DGKD: variants seen among roughly 807,000 people sequenced by gnomAD.
DGKD encodes diacylglycerol kinase delta, also known as DAG kinase delta.
DGKD carries 68 observed loss-of-function variants against 154.4 expected under a neutral mutation model. The observed-to-expected ratio is 0.44, with a 90% CI of 0.36 to 0.54. The LOEUF is 0.54. DGKD is among the 20% of genes least tolerant of loss of function. The pLI is 0.00. For synonymous variants in DGKD, 693 were observed against 638.0 expected, an observed-to-expected ratio of 1.09 and a Z score of -1.30; for missense variants, 1,343 against 1,593.6, an observed-to-expected ratio of 0.84 and a Z score of 2.68.
intron 24 of DGKD, among the ~76,000 whole-genome samples, chr2:233,461,297 G>C (rs994221402): frequency 6.6e-6 from 1 of 152,232 alleles, no homozygotes; most frequent in Non-Finnish European, 1.5e-5. Flanking sequence ...TTCTTCTCCT[G>C]GCTGTGGACA....
chr2:233,355,243 C>T lies in DGKD; in HGVS notation c.156+569C>T, dbSNP rs534130831. On this transcript the variant is annotated intron_variant, in intron 1 of 29. Transcript: ENST00000264057. Reference sequence around the variant, plus strand: ...GAAGGGATGCGCGTTCAGTGACCGTCTCTCTCAGCAAAGCCGGGACCGCGC... The same window carrying T: ...GAAGGGATGCGCGTTCAGTGACCGTTTCTCTCAGCAAAGCCGGGACCGCGC... Among the ~76,000 whole-genome samples the T allele has an allele frequency of 3.0e-4, 45 of 152,330 alleles. No homozygotes were observed. In the East Asian group the frequency reaches 7.3e-3, roughly 25 times the overall value.
At chr2:233,461,208 G>A (rs1317620953) in intron 24 of DGKD, among the ~76,000 whole-genome samples, 1 of 152,224 alleles carries the variant, frequency 6.6e-6, no homozygotes, top group East Asian at 1.9e-4. Context: ...CCGCCGGTGC[G>A]GGGCCTGCCT....
chr2:233,452,193 A>T lies in DGKD; in HGVS notation c.2264+133A>T. Reference sequence around the variant, plus strand: ...GTGGTAGCTGATAAGGAAGGCTGAGAAGTCGTGGAGATTCCACTTAAGGAG... The same window carrying T: ...GTGGTAGCTGATAAGGAAGGCTGAGTAGTCGTGGAGATTCCACTTAAGGAG... On this transcript the variant is annotated intron_variant, in intron 18 of 29. Transcript: ENST00000264057. This position sits in a 1 kb window ranked among gnomAD's most constrained non-coding sequence, Gnocchi z 4.0. The T allele has an allele frequency of 2.4e-6, 2 of 833,306 alleles. No individual in the cohort carries two copies. The highest frequency in any genetic ancestry group is 3.9e-6 in the Non-Finnish European group (2 of 517,694). 51.6% of individuals were successfully genotyped at this position (833,306 alleles called of 1,614,324 possible).
chr2:233,367,165 G>A lies in DGKD; in HGVS notation c.156+12491G>A, dbSNP rs567389824. Among the ~76,000 whole-genome samples the A allele has an allele frequency of 7.3e-4, 110 of 150,976 alleles. 2 individuals are homozygous for A. Among genetic ancestry groups the A allele is most frequent in the East Asian group, 2.1e-3 (11 of 5,152 alleles). On this transcript the variant is annotated intron_variant, in intron 1 of 29. Coordinates refer to ENST00000264057, the MANE Select transcript of DGKD (RefSeq NM_152879.3). The stretch of plus-strand genomic sequence containing the variant: ...ACAGCTTCCACTGTTCTCTCTTCCC[G>A]TTCCCTACCTGCCTATAACATCAAC...
chr2:233,405,098 T>C (rs2061650613), intron 3 of DGKD, among the ~76,000 whole-genome samples: 1 of 152,196 alleles, frequency 6.6e-6, no homozygotes, highest in Admixed American at 6.5e-5. Flanking sequence ...AAAGGGTGTT[T>C]TTATTATGAG....
chr2:233,404,747 ACT>A (rs1183848572), intron 3 of DGKD, among the ~76,000 whole-genome samples: 1 of 152,012 alleles, frequency 6.6e-6, no homozygotes, highest in African/African-American at 2.4e-5. Context: ...AGATCAGGGG[ACT>A]CTGGCTTATA....
chr2:233,469,289 G>T, intron 29 of DGKD, 82 bp from the exon 30 acceptor site: 1 of 1,212,538 alleles, frequency 8.2e-7, no homozygotes, highest in Non-Finnish European at 1.2e-6. Context: ...GAATGGGAAG[G>T]GCCGTTGTGG....
At chr2:233,360,687 CTAAT>C (rs796966557) in intron 1 of DGKD, among the ~76,000 whole-genome samples, 2 of 152,284 alleles carry the variant, frequency 1.3e-5, no homozygotes, top group African/African-American at 4.8e-5. Flanking sequence ...CTGTGCCTGG[CTAAT>C]TAAAGATTTT....
intron 3 of DGKD, among the ~76,000 whole-genome samples, chr2:233,400,632 G>A (rs902510486): frequency 3.9e-5 from 6 of 152,198 alleles, no homozygotes; most frequent in Admixed American, 6.5e-5. Context: ...GTTTTATGAA[G>A]CACACATTTG....
intron 1 of DGKD, among the ~76,000 whole-genome samples, chr2:233,382,819 G>C (rs1702967586): frequency 6.6e-6 from 1 of 152,088 alleles, no homozygotes; most frequent in Admixed American, 6.5e-5. Flanking sequence ...ATACACATAA[G>C]TTGTGAAGCA....
intron 3 of DGKD, among the ~76,000 whole-genome samples, chr2:233,414,308 G>A (rs1184666257): frequency 6.6e-6 from 1 of 152,216 alleles, no homozygotes; most frequent in African/African-American, 2.4e-5. Flanking sequence ...CTGGGTCTTT[G>A]TGCACCAGCA....
At chr2:233,462,585 C>T in intron 25 of DGKD, 58 bp from the exon 26 acceptor site, 2 of 1,571,444 alleles carry the variant, frequency 1.3e-6, no homozygotes, top group African/African-American at 1.3e-5. Flanking sequence ...TGTTCCCTGC[C>T]CCTAACCGTG....
intron 29 of DGKD, 36 bp downstream of exon 29, chr2:233,468,589 G>C (rs763401385): frequency 6.2e-7 from 1 of 1,611,080 alleles, no homozygotes; most frequent in South Asian, 1.1e-5. Flanking sequence ...ACCTGCACTT[G>C]GGCTTGCACG....
chr2:233,378,938 G>A (rs756849693), intron 1 of DGKD, among the ~76,000 whole-genome samples: 17 of 152,210 alleles, frequency 1.1e-4, no homozygotes, highest in Non-Finnish European at 2.2e-4. Flanking sequence ...GGCTGAGATG[G>A]GAGGATCTCT....
chr2:233,389,403 TA>T (rs1362758974), intron 2 of DGKD, among the ~76,000 whole-genome samples: 1 of 152,218 alleles, frequency 6.6e-6, no homozygotes, highest in African/African-American at 2.4e-5. Flanking sequence ...GGATTCTGAA[TA>T]CCTGTGTTTT....
In DGKD at chr2:233,464,286, ATGTGGC is replaced by A. The variant is rs1168844557; in HGVS notation, c.3306+5_3306+10del. On this transcript the variant is annotated splice_donor_5th_base_variant and intron_variant, in intron 27 of 29. Coordinates refer to ENST00000264057, the MANE Select transcript of DGKD (RefSeq NM_152879.3). ...CCGCAGAGCCCGGCGACGAAGAGGT[ATGTGGC>A]TCATAGGGCTGTGCCTGGGTCTCCC... is the stretch of plus-strand genomic sequence containing the variant. The A allele has an allele frequency of 6.2e-7, 1 of 1,613,480 alleles. No individual in the cohort carries two copies. The highest frequency in any genetic ancestry group is 8.5e-7 in the Non-Finnish European group (1 of 1,179,934).
chr2:233,381,046 G>A (rs1315275408), intron 1 of DGKD, among the ~76,000 whole-genome samples: 7 of 152,158 alleles, frequency 4.6e-5, no homozygotes, highest in Non-Finnish European at 8.8e-5. Context: ...TGGTGTTTTG[G>A]AGTCTTCAGA....
At chr2:233,431,386 A>G (rs1201223421) in intron 3 of DGKD, among the ~76,000 whole-genome samples, 3 of 152,240 alleles carry the variant, frequency 2.0e-5, no homozygotes, top group Non-Finnish European at 4.4e-5. Flanking sequence ...ACATTGTGAA[A>G]ATGTTCGTAT....
rs2063148067 is a variant in DGKD, at chr2:233,448,196, G to A, written c.1514+15G>A. On this transcript the variant is annotated intron_variant, in intron 13 of 29. Transcript: ENST00000264057. Reference sequence around the variant, plus strand: ...TCCTCGGCCAAGTGAGTGCCTGGTGGCCCTGGGGAGGGCATGGTGCCCTGG... The same window carrying A: ...TCCTCGGCCAAGTGAGTGCCTGGTGACCCTGGGGAGGGCATGGTGCCCTGG... The A allele has an allele frequency of 1.2e-6, 2 of 1,614,042 alleles. No homozygotes were observed. The highest frequency in any genetic ancestry group is 1.3e-5 in the African/African-American group (1 of 74,936).
Sources: allele counts gnomAD v4.1 joint callset (sites outside exome capture counted in the v4.1 genomes callset), GRCh38; gene constraint gnomAD v4.1.1; non-coding constraint Gnocchi (gnomAD v3.1); transcripts MANE v1.5; gene names NCBI Gene and HGNC (gene_info 2026-07-23, HGNC 2026-07-21).